NPFFR1: variants seen among roughly 807,000 people sequenced by gnomAD.
NPFFR1 encodes the protein neuropeptide FF receptor 1.
NPFFR1 carries 17 observed loss-of-function variants against 12.7 expected under a neutral mutation model. The ratio of observed to expected loss-of-function variants is 1.34; its 90% confidence interval spans 0.92 to 2.01. The LOEUF (loss-of-function observed/expected upper bound fraction) is 2.01. Among genes scored for constraint, NPFFR1 ranks in the 30% most tolerant of loss-of-function variants. NPFFR1 has a pLI of 0.00. For missense variants in NPFFR1, 604 were observed against 606.5 expected, an observed-to-expected ratio of 1.00 and a Z score of 0.04; for synonymous variants, 296 against 264.5, an observed-to-expected ratio of 1.12 and a Z score of -1.16.
In NPFFR1 at chr10:70,255,442, G is replaced by A. The variant is rs766863746; in HGVS notation, c.808C>T (p.His270Tyr). The change falls in exon 4 of 4, where the codon CAC (histidine) becomes TAC (tyrosine). Residue 270 changes from histidine (H) to tyrosine (Y), a missense_variant. Transcript: ENST00000277942. The surrounding 1 kb of genome is among the most constrained non-coding windows in gnomAD (Gnocchi z 4.2). The part of the protein sequence containing the change: ...RASRRRARVV[H>Y]MLVMVALFFT... The stretch of plus-strand genomic sequence containing the variant: ...AACAGCGCCACCATGACCAGCATGT[G>A]CACCACGCGCGCTCTGCGCCGCGAT... 2 of 1,547,786 alleles carry A rather than the reference G, an allele frequency of 1.3e-6. No individual in the cohort carries two copies. The highest frequency in any genetic ancestry group is 2.4e-5 in the South Asian group (2 of 84,028).
chr10:70,259,674 A>C (rs550271306), intron 3 of NPFFR1, among the ~76,000 whole-genome samples: 2 of 152,308 alleles, frequency 1.3e-5, no homozygotes, highest in South Asian at 4.1e-4. Flanking sequence ...CACAAAGGGC[A>C]GGGTTAAGAT....
chr10:70,258,964 C>T (rs1417794999), intron 3 of NPFFR1, among the ~76,000 whole-genome samples: 1 of 152,184 alleles, frequency 6.6e-6, no homozygotes, highest in Non-Finnish European at 1.5e-5. Flanking sequence ...GTTATCTCAA[C>T]CTATATGACT....
rs1299160988 is a variant in NPFFR1, at chr10:70,266,148, T to A, written c.251A>T (p.Asn84Ile). The change falls in exon 2 of 4, where the codon AAC becomes ATC. Residue 84 changes from asparagine (N) to isoleucine (I), a missense_variant. Physicochemically the swap from Asn to Ile is moderately radical, Grantham distance 149. Coordinates refer to ENST00000277942, the MANE Select transcript of NPFFR1 (RefSeq NM_022146.5). ...CACCAGCAGGTCACTGACAGCCAGG[T>A]TGAGGATGAACATGTTGGTGACAGT... ...MHTVTNMFIL[N>I]LAVSDLLVGI... 2 of 1,613,796 alleles carry A rather than the reference T, an allele frequency of 1.2e-6. No individual in the cohort carries two copies. The highest frequency in any genetic ancestry group is 1.7e-5 in the Admixed American group (1 of 60,000).
chr10:70,271,358 A>T (rs925382794), intron 1 of NPFFR1, among the ~76,000 whole-genome samples: 1 of 151,994 alleles, frequency 6.6e-6, no homozygotes, highest in Non-Finnish European at 1.5e-5. Flanking sequence ...ACAAAAAATT[A>T]AAAAATTAGC....
At chr10:70,262,850 C>G (rs1401001779) in intron 2 of NPFFR1, among the ~76,000 whole-genome samples, 1 of 152,162 alleles carries the variant, frequency 6.6e-6, no homozygotes, top group Admixed American at 6.5e-5. Context: ...CCCATGAGCA[C>G]ACCTAGAACC....
intron 1 of NPFFR1, among the ~76,000 whole-genome samples, chr10:70,269,403 T>C (rs904159696): frequency 4.6e-5 from 7 of 152,296 alleles, no homozygotes; most frequent in African/African-American, 1.7e-4. Flanking sequence ...GCAATCCTCC[T>C]GTCTTGGCCT....
At chr10:70,277,401 C>T (rs1840815042) in intron 1 of NPFFR1, among the ~76,000 whole-genome samples, 1 of 152,198 alleles carries the variant, frequency 6.6e-6, no homozygotes, top group Non-Finnish European at 1.5e-5. Flanking sequence ...CTGCTCAATT[C>T]CCAGGCTGGT....
intron 1 of NPFFR1, among the ~76,000 whole-genome samples, chr10:70,266,604 C>T (rs1840694146): frequency 6.6e-6 from 1 of 152,210 alleles, no homozygotes; most frequent in Non-Finnish European, 1.5e-5. Flanking sequence ...CCTGTCTTGC[C>T]CATAACTCAT....
intron 1 of NPFFR1, chr10:70,278,067 G>A: frequency 2.0e-6 from 1 of 493,522 alleles, no homozygotes; most frequent in Admixed American, 2.1e-5. Flanking sequence ...TATGGGAACT[G>A]GTGAGGAGAC....
At position 70,249,147 on chromosome 10, in the gene NPFFR1, C is replaced by T. The variant is rs951414286; in HGVS notation, c.*5810G>A. On this transcript the variant is annotated 3_prime_UTR_variant, in exon 4 of 4. Transcript: ENST00000277942. ...AGCATGGTGGCTCGCGCCTGTAATC[C>T]CAGCACTTTGGGAGGCCGAGGCGGG... The T allele has an allele frequency of 1.3e-5, 2 of 152,182 alleles. No homozygotes were observed. Among genetic ancestry groups the T allele is most frequent in the African/African-American group, 4.8e-5 (2 of 41,512 alleles). The allele number at this position is 152,182 out of a possible 1,614,324, so 9.4% of individuals were successfully genotyped here.
intron 3 of NPFFR1, among the ~76,000 whole-genome samples, chr10:70,259,453 T>C (rs141785428): frequency 6.6e-6 from 1 of 152,272 alleles, no homozygotes; most frequent in East Asian, 1.9e-4. Context: ...TGAAGAATAC[T>C]GCAAACACCA....
At chr10:70,257,474 G>A (rs1421212987) in intron 3 of NPFFR1, among the ~76,000 whole-genome samples, 5 of 152,196 alleles carry the variant, frequency 3.3e-5, no homozygotes, top group Non-Finnish European at 7.3e-5. Context: ...AAAAGTCATC[G>A]CCATTCTCTA....
At chr10:70,266,417 A>C in intron 1 of NPFFR1, 26 bp from the exon 2 acceptor site, 2 of 1,557,984 alleles carry the variant, frequency 1.3e-6, no homozygotes, top group Non-Finnish European at 1.8e-6. Context: ...TATATTGGTC[A>C]GGACCTTAGG....
chr10:70,263,782 A>G (rs1003471549), intron 2 of NPFFR1, among the ~76,000 whole-genome samples: 1 of 151,960 alleles, frequency 6.6e-6, no homozygotes, highest in Non-Finnish European at 1.5e-5. Flanking sequence ...AGTTAAAAAA[A>G]AAACAAAACC....
intron 1 of NPFFR1, among the ~76,000 whole-genome samples, chr10:70,280,725 T>A (rs938631859): frequency 2.0e-5 from 3 of 152,128 alleles, no homozygotes; most frequent in Admixed American, 2.0e-4. Context: ...AATTCTAGGC[T>A]GGGCGTAGTG....
Position 70,266,153 on chromosome 10 carries a change from G to A in NPFFR1, c.246C>T (p.Ile82=). The A allele has an allele frequency of 1.2e-6, 2 of 1,614,058 alleles. No individual in the cohort carries two copies. The highest frequency in any genetic ancestry group is 2.2e-5 in the South Asian group (2 of 91,082). ...RHMHTVTNMF[I]LNLAVSDLLV... ...GCAGGTCACTGACAGCCAGGTTGAG[G>A]ATGAACATGTTGGTGACAGTATGCA... is the stretch of plus-strand genomic sequence containing the variant. The change falls in exon 2 of 4, where the codon ATC becomes ATT. Residue 82 remains isoleucine (I), a synonymous_variant. Coordinates refer to ENST00000277942, the MANE Select transcript of NPFFR1 (RefSeq NM_022146.5).
chr10:70,263,476 T>C (rs190024628), intron 2 of NPFFR1, among the ~76,000 whole-genome samples: 7 of 152,172 alleles, frequency 4.6e-5, no homozygotes, highest in Admixed American at 2.6e-4. Flanking sequence ...GGTTTCACCA[T>C]TTTAGCCAGG....
Position 70,260,633 on chromosome 10 carries a change from C to T in NPFFR1, c.422+7G>A, listed in dbSNP as rs1377157940. On this transcript the variant is annotated splice_region_variant and intron_variant, in intron 3 of 3. Transcript: ENST00000277942. ...CTCAGGCATAATCCAGCCAGGAAAC[C>T]TCTCACCTTTCCACAGCAATGGCCA... The T allele has an allele frequency of 8.1e-6, 13 of 1,603,936 alleles. No homozygotes were observed. The highest frequency in any genetic ancestry group is 2.3e-5 in the East Asian group (1 of 44,410).
At position 70,255,065 on chromosome 10, in the gene NPFFR1, C is replaced by A; in HGVS notation, c.1185G>T (p.Arg395Ser). ...SESGPSSGAP[R>S]PGRLPLRNGR... ...CATTCCGCAGCGGGAGGCGGCCGGG[C>A]CTGGGGGCCCCACTGCTAGGGCCCG... The change falls in exon 4 of 4, where the codon AGG becomes AGT. Residue 395 changes from arginine to serine, a missense_variant. Transcript: ENST00000277942. This position sits in a 1 kb window ranked among gnomAD's most constrained non-coding sequence, Gnocchi z 4.2. 1.4e-6 allele frequency: 2 copies of A among 1,441,876 alleles called. No homozygotes were observed. 89.3% of individuals were successfully genotyped at this position (1,441,876 alleles called of 1,614,324 possible). A position where few individuals can be genotyped will look rare whatever the true frequency, so the allele number is the denominator to read the frequency against.
Sources: gnomAD v4.1 joint callset for allele counts (sites outside exome capture counted in the v4.1 genomes callset) on GRCh38, gnomAD v4.1.1 for gene constraint, Gnocchi (gnomAD v3.1) non-coding constraint, MANE v1.5 for transcripts, NCBI Gene and HGNC (gene_info 2026-07-23, HGNC 2026-07-21) for gene names.